ZNF804A: variants seen among roughly 807,000 people sequenced by gnomAD.
The protein encoded by ZNF804A is zinc finger protein 804A.
Under a neutral mutation model 16.5 loss-of-function variants are expected in ZNF804A, and 2 were observed. The ratio of observed to expected loss-of-function variants is 0.12; its 90% CI spans 0.05 to 0.38. ZNF804A has a LOEUF of 0.38. Ranked by LOEUF, ZNF804A falls within the 10% of genes least tolerant of loss-of-function variation. The probability of loss-of-function intolerance (pLI) is 0.99; values close to 1 mark genes in which losing one functional copy is unlikely to be tolerated. For missense variants in ZNF804A, 1,473 were observed against 1,390.7 expected (o/e 1.06, Z -0.94); for synonymous variants, 534 against 489.6 (o/e 1.09, Z -1.20).
chr2:184,898,044 G>T (rs1166095826), intron 2 of ZNF804A, among the ~76,000 whole-genome samples: 2 of 152,042 alleles, frequency 1.3e-5, no homozygotes, highest in African/African-American at 4.8e-5. Context: ...TACTGTAGAG[G>T]TTAAAGAGTT....
At chr2:184,835,278 G>T (rs766176478) in intron 1 of ZNF804A, among the ~76,000 whole-genome samples, 6 of 152,162 alleles carry the variant, frequency 3.9e-5, no homozygotes, top group Non-Finnish European at 7.4e-5. Context: ...TTGCAGACCA[G>T]GGCTATCCCA....
At position 184,824,216 on chromosome 2, in the gene ZNF804A, T is replaced by G. The variant is rs151030113; in HGVS notation, c.112-42153T>G. On this transcript the variant is annotated intron_variant, in intron 1 of 3. Coordinates refer to ENST00000302277, the MANE Select transcript of ZNF804A (RefSeq NM_194250.2). ...CTGAAAATTAAATTAAATTAAAATC[T>G]TATCAAATAAAGATAAATTCACATT... 2.2e-3 allele frequency among the ~76,000 whole-genome samples: 328 copies of G among 152,258 alleles called. 1 individual carries two copies. The highest frequency in any genetic ancestry group is 6.8e-3 in the Middle Eastern group (2 of 294).
intron 1 of ZNF804A, among the ~76,000 whole-genome samples, chr2:184,643,360 A>G (rs559078046): frequency 5.3e-5 from 8 of 152,004 alleles, no homozygotes; most frequent in Non-Finnish European, 1.2e-4. Flanking sequence ...AAATGGCAAT[A>G]AAAATACTGT....
intron 2 of ZNF804A, among the ~76,000 whole-genome samples, chr2:184,875,508 C>T (rs192196435): frequency 3.9e-5 from 6 of 152,260 alleles, no homozygotes; most frequent in Admixed American, 3.9e-4. Flanking sequence ...GAAGTCCTCA[C>T]CAGAAGCAGA....
intron 1 of ZNF804A, among the ~76,000 whole-genome samples, chr2:184,669,358 G>A (rs1004775781): frequency 6.6e-6 from 1 of 151,912 alleles, no homozygotes; most frequent in African/African-American, 2.4e-5. Context: ...TCTGATTGTA[G>A]GTTCTGAAAG....
At chr2:184,928,080 T>C (rs1685637216) in intron 2 of ZNF804A, among the ~76,000 whole-genome samples, 1 of 151,934 alleles carries the variant, frequency 6.6e-6, no homozygotes, top group Admixed American at 6.6e-5. Context: ...ACTGGGAATA[T>C]GCTGAGTTTC....
At chr2:184,924,014 T>C (rs1181043914) in intron 2 of ZNF804A, among the ~76,000 whole-genome samples, 2 of 149,024 alleles carry the variant, frequency 1.3e-5, no homozygotes, top group East Asian at 3.9e-4. Flanking sequence ...TTGTTTTGTG[T>C]GTGTGTGTGT....
chr2:184,881,993 T>C (rs1381089439), intron 2 of ZNF804A, among the ~76,000 whole-genome samples: 1 of 151,988 alleles, frequency 6.6e-6, no homozygotes, highest in Non-Finnish European at 1.5e-5. Context: ...AGGCACAAAA[T>C]TGTAAGTTGG....
At chr2:184,860,186 T>A (rs1339883838) in intron 1 of ZNF804A, among the ~76,000 whole-genome samples, 2 of 152,210 alleles carry the variant, frequency 1.3e-5, no homozygotes, top group African/African-American at 4.8e-5. Flanking sequence ...TGGACTTGCC[T>A]GTAATCTTTA....
chr2:184,864,259 A>G (rs1388230389), intron 1 of ZNF804A, among the ~76,000 whole-genome samples: 2 of 152,156 alleles, frequency 1.3e-5, no homozygotes, highest in Admixed American at 1.3e-4. Flanking sequence ...AGAGAGAGCT[A>G]TAGGAAGATG....
At chr2:184,683,222 A>G (rs760903204) in intron 1 of ZNF804A, among the ~76,000 whole-genome samples, 11 of 152,266 alleles carry the variant, frequency 7.2e-5, no homozygotes, top group Non-Finnish European at 1.2e-4. Flanking sequence ...TTCAATGTCT[A>G]CTTTTTAAAC....
At chr2:184,838,799 A>T (rs1695393056) in intron 1 of ZNF804A, among the ~76,000 whole-genome samples, 1 of 152,260 alleles carries the variant, frequency 6.6e-6, no homozygotes, top group East Asian at 1.9e-4. Context: ...CTATAGAAAA[A>T]AAAATTCAAT....
chr2:184,878,431 G>C (rs1331259318), intron 2 of ZNF804A, among the ~76,000 whole-genome samples: 10 of 152,022 alleles, frequency 6.6e-5, no homozygotes, highest in African/African-American at 2.4e-4. Context: ...AATGGAGGCA[G>C]CAATATGATA....
In ZNF804A at chr2:184,936,541, A is replaced by G; in HGVS notation, c.1145A>G (p.His382Arg). 6.2e-7 allele frequency: 1 copy of G among 1,614,062 alleles called. No homozygotes were observed. The highest frequency in any genetic ancestry group is 8.5e-7 in the Non-Finnish European group (1 of 1,179,968). The change falls in exon 4 of 4, where the codon CAT becomes CGT. Residue 382 changes from histidine to arginine, a missense_variant. By Grantham distance (29) the His-to-Arg change is conservative. Transcript: ENST00000302277. ...VQATTEENVK[H>R]NEASTTEVEN... ...GCTACCACAGAGGAAAATGTTAAGC[A>G]TAACGAGGCATCCACAACTGAGGTT...
chr2:184,835,319 G>T (rs552896145), intron 1 of ZNF804A, among the ~76,000 whole-genome samples: 1 of 152,078 alleles, frequency 6.6e-6, no homozygotes, highest in African/African-American at 2.4e-5. Flanking sequence ...GCAGCTCAGG[G>T]GTAGCTATGC....
chr2:184,781,139 A>G (rs1411818812), intron 1 of ZNF804A, among the ~76,000 whole-genome samples: 2 of 151,736 alleles, frequency 1.3e-5, no homozygotes, highest in African/African-American at 4.8e-5. Flanking sequence ...TACACATTGT[A>G]TTTCTTCCAG....
intron 1 of ZNF804A, among the ~76,000 whole-genome samples, chr2:184,742,797 T>C (rs987922530): frequency 4.1e-4 from 62 of 151,700 alleles, no homozygotes; most frequent in African/African-American, 1.5e-3. Flanking sequence ...TATATAACTA[T>C]ATGTGTGTGT....
At chr2:184,913,438 T>C (rs553475380) in intron 2 of ZNF804A, among the ~76,000 whole-genome samples, 13 of 152,294 alleles carry the variant, frequency 8.5e-5, no homozygotes, top group Admixed American at 4.6e-4. Context: ...TGGCATTTCT[T>C]ATAAAGCAAG....
At chr2:184,726,728 T>C (rs1693418302) in intron 1 of ZNF804A, among the ~76,000 whole-genome samples, 1 of 151,584 alleles carries the variant, frequency 6.6e-6, no homozygotes, top group Non-Finnish European at 1.5e-5. Context: ...TTACATTTAT[T>C]ATTTAAATAT....
Sources: allele counts gnomAD v4.1 joint callset (sites outside exome capture counted in the v4.1 genomes callset), GRCh38; gene constraint gnomAD v4.1.1; transcripts MANE v1.5; gene names NCBI Gene and HGNC (gene_info 2026-07-23, HGNC 2026-07-21).